GPR158: variants seen among roughly 807,000 people sequenced by gnomAD.
GPR158 encodes the protein G protein-coupled receptor 158.
GPR158 carries 30 observed loss-of-function variants against 78.2 expected under a neutral mutation model. The observed-to-expected ratio is 0.38, with a 90% confidence interval of 0.29 to 0.52. The LOEUF (loss-of-function observed/expected upper bound fraction) is 0.52. Ranked by LOEUF, GPR158 falls within the 20% of genes least tolerant of loss-of-function variation. The probability of loss-of-function intolerance (pLI) is 0.83; values close to 1 mark genes in which losing one functional copy is unlikely to be tolerated. For missense variants in GPR158, 1,463 were observed against 1,523.5 expected (o/e 0.96, Z 0.66); for synonymous variants, 581 against 591.1 (o/e 0.98, Z 0.25).
intron 2 of GPR158, among the ~76,000 whole-genome samples, chr10:25,304,819 A>G (rs1201645551): frequency 6.6e-6 from 1 of 152,218 alleles, no homozygotes; most frequent in African/African-American, 2.4e-5. Flanking sequence ...AGGACTATAT[A>G]TAACCTCATA....
At chr10:25,473,123 C>T (rs1327691560) in intron 5 of GPR158, among the ~76,000 whole-genome samples, 44 of 151,842 alleles carry the variant, frequency 2.9e-4, no homozygotes, top group African/African-American at 9.2e-4. Flanking sequence ...TTTTGAGATA[C>T]GTCCCATCAA....
chr10:25,454,194 T>C (rs1835260956), intron 4 of GPR158, among the ~76,000 whole-genome samples: 3 of 152,180 alleles, frequency 2.0e-5, no homozygotes, highest in South Asian at 2.1e-4. Context: ...AATGAGATTG[T>C]TTTATTAATT....
chr10:25,504,775 C>T (rs915054982), intron 5 of GPR158, among the ~76,000 whole-genome samples: 1 of 152,052 alleles, frequency 6.6e-6, no homozygotes, highest in Non-Finnish European at 1.5e-5. Context: ...TTTTTTTATC[C>T]TTTCATGGGA....
chr10:25,208,903 C>A (rs1853090044), intron 1 of GPR158, among the ~76,000 whole-genome samples: 1 of 146,928 alleles, frequency 6.8e-6, no homozygotes, highest in African/African-American at 2.5e-5. Context: ...GGCTGGAGTG[C>A]AGTGGCATGA....
rs549073629 is a variant in GPR158 at position 25,452,042 on chromosome 10, T to G, written c.1336-14609T>G. Among the ~76,000 whole-genome samples, 6 of 131,286 alleles carry G rather than the reference T, an allele frequency of 4.6e-5. No homozygotes were observed. In the South Asian group the frequency reaches 7.6e-4, roughly 17 times the overall value. The allele number at this position is 131,286 out of a possible 152,430, so 86.1% of individuals were successfully genotyped here. Reference sequence around the variant, plus strand: ...TTTTGGTTTGGTTTGGTTTGGTTTTTGTTTTTGTTTTTTGAGACATGACCT... The same window carrying G: ...TTTTGGTTTGGTTTGGTTTGGTTTTGGTTTTTGTTTTTTGAGACATGACCT... On this transcript the variant is annotated intron_variant, in intron 4 of 10. Transcript: ENST00000376351.
At chr10:25,517,723 C>G (rs1836200842) in intron 5 of GPR158, among the ~76,000 whole-genome samples, 1 of 150,894 alleles carries the variant, frequency 6.6e-6, no homozygotes, top group Non-Finnish European at 1.5e-5. Flanking sequence ...GGATGAAGCC[C>G]ACTTGATCAT....
At chr10:25,587,603 G>A (rs944557867) in intron 7 of GPR158, among the ~76,000 whole-genome samples, 10 of 152,120 alleles carry the variant, frequency 6.6e-5, no homozygotes, top group East Asian at 1.9e-4. Context: ...AGAGTTACCC[G>A]ATTCCCTTTG....
chr10:25,547,786 T>C (rs997392786), intron 5 of GPR158, among the ~76,000 whole-genome samples: 1 of 152,206 alleles, frequency 6.6e-6, no homozygotes, highest in South Asian at 2.1e-4. Flanking sequence ...AAATTATCTT[T>C]GCCCTATTTC....
At chr10:25,191,015 TG>T (rs1852765097) in intron 1 of GPR158, among the ~76,000 whole-genome samples, 1 of 152,216 alleles carries the variant, frequency 6.6e-6, no homozygotes, top group Non-Finnish European at 1.5e-5. Flanking sequence ...TTAGGATGGT[TG>T]TTTTGGGTAT....
chr10:25,276,071 T>G (rs775075904), intron 2 of GPR158, among the ~76,000 whole-genome samples: 4 of 152,200 alleles, frequency 2.6e-5, no homozygotes, highest in Non-Finnish European at 5.9e-5. Flanking sequence ...GAAAAACACA[T>G]TTCTTATTGA....
chr10:25,442,921 G>T (rs1835087705), intron 4 of GPR158, among the ~76,000 whole-genome samples: 1 of 152,028 alleles, frequency 6.6e-6, no homozygotes, highest in African/African-American at 2.4e-5. Flanking sequence ...TCTAAATTCA[G>T]ATTTTATCAT....
intron 2 of GPR158, among the ~76,000 whole-genome samples, chr10:25,235,150 A>G (rs889070021): frequency 6.6e-6 from 1 of 152,212 alleles, no homozygotes; most frequent in Admixed American, 6.5e-5. Flanking sequence ...GAAATCCTAC[A>G]TCTTTTCTCT....
intron 4 of GPR158, among the ~76,000 whole-genome samples, chr10:25,448,448 CT>C (rs1835169936): frequency 6.6e-6 from 1 of 152,124 alleles, no homozygotes; most frequent in Non-Finnish European, 1.5e-5. Context: ...GTGTGCATCA[CT>C]TTTTCCTTTC....
intron 5 of GPR158, among the ~76,000 whole-genome samples, chr10:25,533,055 G>A (rs1211247975): frequency 1.3e-5 from 2 of 152,176 alleles, no homozygotes; most frequent in Non-Finnish European, 2.9e-5. Context: ...CCTACTAGTG[G>A]AGAATGTTTT....
chr10:25,260,834 A>C (rs550264693), intron 2 of GPR158, among the ~76,000 whole-genome samples: 2 of 152,216 alleles, frequency 1.3e-5, no homozygotes, highest in African/African-American at 4.8e-5. Context: ...TTTGCTTTCT[A>C]TTCGTCTATG....
intron 6 of GPR158, among the ~76,000 whole-genome samples, chr10:25,566,803 ACTTT>A (rs1836935243): frequency 1.1e-5 from 1 of 92,828 alleles, no homozygotes; most frequent in East Asian, 1.2e-3. Flanking sequence ...CCAAGAAGTA[ACTTT>A]ACTTTACTTC....
At chr10:25,501,017 A>G (rs553784746) in intron 5 of GPR158, among the ~76,000 whole-genome samples, 14 of 152,132 alleles carry the variant, frequency 9.2e-5, no homozygotes, top group Non-Finnish European at 2.1e-4. Context: ...GTATCAGCCT[A>G]TCGTACGCGT....
intron 2 of GPR158, among the ~76,000 whole-genome samples, chr10:25,293,622 G>A (rs868175295): frequency 5.9e-5 from 9 of 152,120 alleles, no homozygotes; most frequent in African/African-American, 2.2e-4. Context: ...TTGGAGAGAG[G>A]AAATACCAGA....
At chr10:25,496,310 G>A (rs534276815) in intron 5 of GPR158, among the ~76,000 whole-genome samples, 4 of 152,094 alleles carry the variant, frequency 2.6e-5, no homozygotes, top group South Asian at 2.1e-4. Context: ...TATACTACGG[G>A]ATCCTTTGGA....
Sources: allele counts gnomAD v4.1 joint callset (sites outside exome capture counted in the v4.1 genomes callset), GRCh38; gene constraint gnomAD v4.1.1; transcripts MANE v1.5; gene names NCBI Gene and HGNC (gene_info 2026-07-23, HGNC 2026-07-21).